The following MTSS2 variants were observed in gnomAD, a reference collection of about 807,000 sequenced individuals.
MTSS2 encodes the protein protein MTSS 2.
Under a neutral mutation model 67.1 loss-of-function variants are expected in MTSS2, and 27 were observed. The observed-to-expected ratio is 0.40, with a 90% CI of 0.30 to 0.55. MTSS2 has a LOEUF of 0.55. Among genes scored for constraint, MTSS2 ranks in the 20% least tolerant of loss-of-function variants. MTSS2 has a pLI of 0.43. For synonymous variants in MTSS2, 624 were observed against 468.6 expected (o/e 1.33, Z -4.28); for missense variants, 1,171 against 1,067.8 (o/e 1.10, Z -1.35).
In MTSS2 at chr16:70,663,721, G is replaced by A. The variant is rs546182349; in HGVS notation, c.2200C>T (p.Arg734Cys). Residue 734 changes from arginine to cysteine, a missense_variant, in exon 15 of 15, where the codon CGC becomes TGC. Physicochemically the swap from Arg to Cys is radical, Grantham distance 180. Transcript: ENST00000338779. ...LVAIRRGVRL[R>C]RTVTNDRSAP... The stretch of plus-strand genomic sequence containing the variant: ...GACCTGTCGTTGGTGACGGTCCTGC[G>A]GAGCCGGACCCCACGCCGGATGGCC... 45 of 1,584,476 alleles carry A rather than the reference G, an allele frequency of 2.8e-5. No homozygotes were observed. The highest frequency in any genetic ancestry group is 5.7e-5 in the South Asian group (5 of 87,172).
In MTSS2 at chr16:70,664,244, G is replaced by C. The variant is rs773291404; in HGVS notation, c.1677C>G (p.Pro559=). The change falls in exon 15 of 15, where the codon CCC becomes CCG. Residue 559 remains proline, a synonymous_variant. Transcript: ENST00000338779. ...GTGTGCGGCGGATGGTGGCCACGCC[G>C]GGGGGTGCGCCCGAGGGCAGGCCAG... ...TATGLPSGAP[P]GVATIRRTPS... is the part of the protein sequence containing the mutation. 2 of 1,561,404 alleles carry C rather than the reference G, an allele frequency of 1.3e-6. No individual in the cohort carries two copies. Among genetic ancestry groups the C allele is most frequent in the Non-Finnish European group, 1.7e-6 (2 of 1,159,954 alleles).
At position 70,663,918 on chromosome 16, in the gene MTSS2, G is replaced by A. The variant is rs746941492; in HGVS notation, c.2003C>T (p.Ala668Val). 15 of 1,550,572 alleles carry A rather than the reference G, an allele frequency of 9.7e-6. No homozygotes were observed. Among genetic ancestry groups the A allele is most frequent in the Non-Finnish European group, 8.7e-6 (10 of 1,150,146 alleles). The change falls in exon 15 of 15, where the codon GCG becomes GTG. Residue 668 changes from alanine to valine, a missense_variant. Around this residue, in one of 2 missense-constraint regions of MTSS2, gnomAD observed 924 missense variants for 756.0 expected, o/e 1.22. Coordinates refer to ENST00000338779, the MANE Select transcript of MTSS2 (RefSeq NM_138383.3). ...AGAEDEQQQL[A>V]ANRHSLVEKL... The stretch of plus-strand genomic sequence containing the variant: ...CTCCACCAGGCTGTGCCGGTTGGCC[G>A]CCAGCTGCTGCTGCTCGTCCTCGGC...
Position 70,661,459 on chromosome 16 carries a change from C to CAACA in MTSS2, c.*2214_*2217dup. 2.7e-6 allele frequency: 1 copy of CAACA among 365,076 alleles called. No homozygotes were observed. The allele number at this position is 365,076 out of a possible 1,614,324, so 22.6% of individuals were successfully genotyped here. ...TAAATTAAAAAAAGGAACGAGTTAACAACAGCACCAGGAAAGTTACTTCAG... is the reference window on the plus strand; with the variant it reads ...TAAATTAAAAAAAGGAACGAGTTAACAACAAACAGCACCAGGAAAGTTACTTCAG... On this transcript the variant is annotated 3_prime_UTR_variant, in exon 15 of 15. Transcript: ENST00000338779.
At position 70,664,700 on chromosome 16, in the gene MTSS2, G is replaced by A. The variant is rs372276514; in HGVS notation, c.1369C>T (p.Leu457=). The change falls in exon 14 of 15, where the codon CTG becomes TTG. Residue 457 remains leucine, a synonymous_variant. Transcript: ENST00000338779. ...LAMVLTRGLS[L]EHQKSSRDSL... ...TCCCGGCTGCTCTTCTGGTGCTCCAGGCTCAGGCCCCGCGTCAGCACCATG... is the reference window on the plus strand; with the variant it reads ...TCCCGGCTGCTCTTCTGGTGCTCCAAGCTCAGGCCCCGCGTCAGCACCATG... 8 of 1,613,298 alleles carry A rather than the reference G, an allele frequency of 5.0e-6. No individual in the cohort carries two copies. Among genetic ancestry groups the A allele is most frequent in the Non-Finnish European group, 6.8e-6 (8 of 1,179,866 alleles).
rs1220206164 is a variant in MTSS2 at position 70,680,877 on chromosome 16, G to A, written c.132-10C>T. 7 of 1,491,476 alleles carry A rather than the reference G, an allele frequency of 4.7e-6. No homozygotes were observed. In the East Asian group the frequency reaches 1.8e-4, roughly 37 times the overall value. 92.4% of individuals were successfully genotyped at this position (1,491,476 alleles called of 1,614,324 possible). A position where few individuals can be genotyped will look rare whatever the true frequency, so the allele number is the denominator to read the frequency against. On this transcript the variant is annotated splice_polypyrimidine_tract_variant and intron_variant, in intron 2 of 14. Transcript: ENST00000338779. The stretch of plus-strand genomic sequence containing the variant: ...AGCCAGCACGGTGGTCCTGGGGAGA[G>A]GGACAACGGCATGGATGGTCGGTGG...
intron 1 of MTSS2, 74 bp downstream of exon 1, chr16:70,685,649 C>T: frequency 2.1e-6 from 2 of 952,370 alleles, no homozygotes; most frequent in South Asian, 4.7e-5. Context: ...CGAGGCTCGG[C>T]CACCCGCCGC....
At chr16:70,677,041 C>T (rs2053139287) in intron 9 of MTSS2, 63 bp from the exon 10 acceptor site, 4 of 1,124,998 alleles carry the variant, frequency 3.6e-6, no homozygotes, top group African/African-American at 1.6e-5. Flanking sequence ...GGGCCAGAGG[C>T]CCCCCCCCAC....
chr16:70,664,681 C>A lies in MTSS2; in HGVS notation c.1388G>T (p.Ser463Ile), dbSNP rs1334027802. The stretch of plus-strand genomic sequence containing the variant: ...GCTGGAGTACTGCAGCGAGTCCCGG[C>A]TGCTCTTCTGGTGCTCCAGGCTCAG... ...RGLSLEHQKS[S>I]RDSLQYSSGY... Residue 463 changes from serine (S) to isoleucine (I), a missense_variant, in exon 14 of 15, where the codon AGC becomes ATC. Transcript: ENST00000338779. 1 of 1,613,328 alleles carries A rather than the reference C, an allele frequency of 6.2e-7. No homozygotes were observed. The highest frequency in any genetic ancestry group is 1.1e-5 in the South Asian group (1 of 91,034).
chr16:70,665,442 T>A, intron 12 of MTSS2, 24 bp downstream of exon 12: 1 of 1,546,548 alleles, frequency 6.5e-7, no homozygotes, highest in Non-Finnish European at 8.7e-7. Context: ...GTGACTGTCC[T>A]GGGGCCGGGC....
intron 11 of MTSS2, 52 bp downstream of exon 11, chr16:70,674,250 TGCTG>T: frequency 6.5e-7 from 1 of 1,539,802 alleles, no homozygotes; most frequent in Non-Finnish European, 8.8e-7. Flanking sequence ...GCTTGCCTGA[TGCTG>T]GCATAAGGCT....
chr16:70,661,402 A>C lies in MTSS2; in HGVS notation c.*2275T>G. The C allele has an allele frequency of 2.8e-6, 1 of 357,242 alleles. No homozygotes were observed. The highest frequency in any genetic ancestry group is 8.6e-5 in the East Asian group (1 of 11,620). 22.1% of individuals were successfully genotyped at this position (357,242 alleles called of 1,614,324 possible). ...GGTGGGGGAGGGGGGGAGGGTGAGT[A>C]GGAACCAGGAGGGCTGCCTGGGGTG... On this transcript the variant is annotated 3_prime_UTR_variant, in exon 15 of 15. Transcript: ENST00000338779.
rs774420052 is a variant in MTSS2, at chr16:70,663,726, C to A, written c.2195G>T (p.Arg732Leu). The change falls in exon 15 of 15, where the codon CGG (arginine) becomes CTG (leucine). Residue 732 changes from arginine (R) to leucine (L), a missense_variant. By Grantham distance (102) the Arg-to-Leu change is moderately radical. Around this residue, in one of 2 missense-constraint regions of MTSS2, gnomAD observed 924 missense variants for 756.0 expected, o/e 1.22. Transcript: ENST00000338779. ...GTCGTTGGTGACGGTCCTGCGGAGCCGGACCCCACGCCGGATGGCCACCAG... is the reference window on the plus strand; with the variant it reads ...GTCGTTGGTGACGGTCCTGCGGAGCAGGACCCCACGCCGGATGGCCACCAG... The part of the protein sequence containing the change: ...DMLVAIRRGV[R>L]LRRTVTNDRS... 4.4e-6 allele frequency: 7 copies of A among 1,582,002 alleles called. No individual in the cohort carries two copies. Among genetic ancestry groups the A allele is most frequent in the Non-Finnish European group, 6.0e-6 (7 of 1,166,180 alleles).
Position 70,677,787 on chromosome 16 carries a change from C to T in MTSS2, c.732+5G>A, listed in dbSNP as rs113028668. ...CCCTGGCCCTTGGCCAGAGGGCTCCCGCACCTGCTCGCTGGCGGGAGGCAG... is the reference window on the plus strand; with the variant it reads ...CCCTGGCCCTTGGCCAGAGGGCTCCTGCACCTGCTCGCTGGCGGGAGGCAG... On this transcript the variant is annotated splice_donor_5th_base_variant and intron_variant, in intron 9 of 14. Coordinates refer to ENST00000338779, the MANE Select transcript of MTSS2 (RefSeq NM_138383.3). 28 of 1,604,224 alleles carry T rather than the reference C, an allele frequency of 1.7e-5. No homozygotes were observed. In the African/African-American group the frequency reaches 2.0e-4, roughly 11 times the overall value.
chr16:70,665,846 T>G (rs2052695378), intron 11 of MTSS2: 4 of 260,510 alleles, frequency 1.5e-5, no homozygotes, highest in Non-Finnish European at 2.9e-5. Context: ...GAAAAAGAGA[T>G]ACTAAGGGCG....
chr16:70,664,248 G>A lies in MTSS2; in HGVS notation c.1673C>T (p.Pro558Leu). 1.3e-6 allele frequency: 2 copies of A among 1,563,936 alleles called. No homozygotes were observed. Among genetic ancestry groups the A allele is most frequent in the Non-Finnish European group, 1.7e-6 (2 of 1,161,176 alleles). The change falls in exon 15 of 15, where the codon CCC becomes CTC. Residue 558 changes from proline (P) to leucine (L), a missense_variant. By Grantham distance (98) the Pro-to-Leu change is moderately conservative. Transcript: ENST00000338779. The stretch of plus-strand genomic sequence containing the variant: ...GCGGCGGATGGTGGCCACGCCGGGG[G>A]GTGCGCCCGAGGGCAGGCCAGTGGC... Reference protein sequence around the residue: ...PTATGLPSGAPPGVATIRRTP... With the variant: ...PTATGLPSGALPGVATIRRTP...
At position 70,663,030 on chromosome 16, in the gene MTSS2, C is replaced by T. The variant is rs1036933302; in HGVS notation, c.*647G>A. ...CCACCACAGGGCCCCCAAGACCCCCCCCCCCAAGCAGCCCCTGGTTTCCTC... is the reference window on the plus strand; with the variant it reads ...CCACCACAGGGCCCCCAAGACCCCCTCCCCCAAGCAGCCCCTGGTTTCCTC... On this transcript the variant is annotated 3_prime_UTR_variant, in exon 15 of 15. Transcript: ENST00000338779. The T allele has an allele frequency of 6.6e-6, 1 of 152,462 alleles. No individual in the cohort carries two copies. Among genetic ancestry groups the T allele is most frequent in the African/African-American group, 2.4e-5 (1 of 41,430 alleles). The allele number at this position is 152,462 out of a possible 1,614,324, so 9.4% of individuals were successfully genotyped here. A position where few individuals can be genotyped will look rare whatever the true frequency, so the allele number is the denominator to read the frequency against.
chr16:70,669,475 G>C (rs1262585646), intron 11 of MTSS2, among the ~76,000 whole-genome samples: 2 of 152,176 alleles, frequency 1.3e-5, no homozygotes, highest in Non-Finnish European at 2.9e-5. Context: ...TTGAGCCCAA[G>C]AGTATGAGGC....
At chr16:70,669,440 C>G (rs1407358999) in intron 11 of MTSS2, among the ~76,000 whole-genome samples, 1 of 152,166 alleles carries the variant, frequency 6.6e-6, no homozygotes, top group African/African-American at 2.4e-5. Context: ...CTCAGCTATT[C>G]AGGAGGCTGA....
In MTSS2 at chr16:70,661,374, G is replaced by T. The variant is rs1415445327; in HGVS notation, c.*2303C>A. The T allele has an allele frequency of 2.6e-6, 1 of 391,004 alleles. No individual in the cohort carries two copies. 24.2% of individuals were successfully genotyped at this position (391,004 alleles called of 1,614,324 possible). A position where few individuals can be genotyped will look rare whatever the true frequency, so the allele number is the denominator to read the frequency against. ...AGAAACAAATGGTTCAGATGGGACG[G>T]AGGGTGGGGGAGGGGGGGAGGGTGA... is the stretch of plus-strand genomic sequence containing the variant. On this transcript the variant is annotated 3_prime_UTR_variant, in exon 15 of 15. Coordinates refer to ENST00000338779, the MANE Select transcript of MTSS2 (RefSeq NM_138383.3).
Sources: gnomAD v4.1 joint callset for allele counts (sites outside exome capture counted in the v4.1 genomes callset) on GRCh38, gnomAD v4.1.1 for gene constraint, gnomAD v4.1.1 regional missense constraint, MANE v1.5 for transcripts, NCBI Gene and HGNC (gene_info 2026-07-23, HGNC 2026-07-21) for gene names.